Variants in SGSM3 observed in about 807,000 individuals in gnomAD.
SGSM3 encodes the protein small G protein signaling modulator 3.
In SGSM3, 96 loss-of-function variants were observed where a neutral mutation model predicts 100.5. That is an observed-to-expected ratio of 0.96 (90% CI 0.81 to 1.13). The LOEUF (loss-of-function observed/expected upper bound fraction) is 1.13, where lower values mean the gene tolerates loss of function less well. SGSM3 is among the 50% of genes most tolerant of loss of function. SGSM3 has a pLI of 0.00. For synonymous variants in SGSM3, 483 were observed against 422.8 expected, an observed-to-expected ratio of 1.14 and a Z score of -1.75; for missense variants, 1,001 against 1,015.8, an observed-to-expected ratio of 0.99 and a Z score of 0.20.
intron 1 of SGSM3, among the ~76,000 whole-genome samples, chr22:40,399,802 G>A (rs539779687): frequency 6.6e-6 from 1 of 152,322 alleles, no homozygotes; most frequent in Non-Finnish European, 1.5e-5. Context: ...TTCTCAGCAG[G>A]CATGTCTGGA....
At chr22:40,372,122 CTTTTTTTTTTT>C (rs58396730) in intron 1 of SGSM3, among the ~76,000 whole-genome samples, 8 of 65,204 alleles carry the variant, frequency 1.2e-4, no homozygotes, top group African/African-American at 4.6e-4. Flanking sequence ...TCCCCCCCCC[CTTTTTTTTTTT>C]TTTTTTTTTT....
chr22:40,396,586 C>G (rs1394207524), intron 1 of SGSM3, among the ~76,000 whole-genome samples: 40 of 115,474 alleles, frequency 3.5e-4, no homozygotes, highest in Non-Finnish European at 5.8e-4. Context: ...GAGTGAGACT[C>G]TGTCTCAAAA....
rs746231050 is a variant in SGSM3 at position 40,404,615 on chromosome 22, G to A, written c.425G>A (p.Arg142His). The A allele has an allele frequency of 3.3e-5, 54 of 1,613,574 alleles. No homozygotes were observed. The highest frequency in any genetic ancestry group is 4.2e-5 in the Non-Finnish European group (49 of 1,179,886). ...QKKRNSELSYREIVKNSSNDE... is the reference protein window; with the variant it reads ...QKKRNSELSYHEIVKNSSNDE... ...AAGAGGAACTCTGAGCTGTCCTACC[G>A]CGAGATTGTGAAGAACAGCTCCAAC... is the stretch of plus-strand genomic sequence containing the variant. The change falls in exon 6 of 22, where the codon CGC becomes CAC. Residue 142 changes from arginine (R) to histidine (H), a missense_variant. Arg to His is a conservative substitution (Grantham distance 29). Transcript: ENST00000248929.
rs1484271653 is a variant in SGSM3, at chr22:40,406,601, C to CCTAT, written c.1127_1130dup (p.Ile378SerfsTer41). On this transcript the variant is annotated frameshift_variant, in exon 10 of 22. Coordinates refer to ENST00000248929, the MANE Select transcript of SGSM3 (RefSeq NM_015705.6). LOFTEE classifies it high-confidence loss of function. Reference sequence around the variant, plus strand: ...GAGACTCAGCGCCGCAAGCACCTGGCCTATCTCATTGCAGACCAGGGCCAG... The same window carrying CCTAT: ...GAGACTCAGCGCCGCAAGCACCTGGCCTATCTATCTCATTGCAGACCAGGGCCAG... 1 of 1,612,192 alleles carries CCTAT rather than the reference C, an allele frequency of 6.2e-7. No individual in the cohort carries two copies. Among genetic ancestry groups the CCTAT allele is most frequent in the African/African-American group, 1.3e-5 (1 of 74,888 alleles).
Position 40,407,583 on chromosome 22 carries a change from T to C in SGSM3, c.1524+15T>C, listed in dbSNP as rs780585729. The C allele has an allele frequency of 3.1e-6, 5 of 1,600,058 alleles. No individual in the cohort carries two copies. The highest frequency in any genetic ancestry group is 4.2e-6 in the Non-Finnish European group (5 of 1,177,936). On this transcript the variant is annotated intron_variant, in intron 13 of 21. Transcript: ENST00000248929. This position sits in a 1 kb window ranked among gnomAD's most constrained non-coding sequence, Gnocchi z 4.7. Reference sequence around the variant, plus strand: ...ACATCATCACAGTGCGTGGGGGCGCTGGACTACCAGGTCCTCAGGCTGTGG... The same window carrying C: ...ACATCATCACAGTGCGTGGGGGCGCCGGACTACCAGGTCCTCAGGCTGTGG...
intron 10 of SGSM3, 64 bp from the exon 11 acceptor site, chr22:40,406,953 A>G: frequency 8.1e-6 from 12 of 1,486,872 alleles, no homozygotes; most frequent in Non-Finnish European, 1.1e-5. Flanking sequence ...AGTATAAGCC[A>G]AGGGCTGGTG....
At chr22:40,381,300 A>G (rs1471582542) in intron 1 of SGSM3, among the ~76,000 whole-genome samples, 1 of 152,040 alleles carries the variant, frequency 6.6e-6, no homozygotes, top group Non-Finnish European at 1.5e-5. Flanking sequence ...GGTGTGCACC[A>G]CCACACTCAG....
chr22:40,385,601 G>A (rs1203049905), intron 1 of SGSM3, among the ~76,000 whole-genome samples: 1 of 152,196 alleles, frequency 6.6e-6, no homozygotes, highest in East Asian at 1.9e-4. Context: ...GGAAGTTGAG[G>A]AAGCTTAAGT....
Position 40,404,724 on chromosome 22 carries a change from G to A in SGSM3, c.474+60G>A, listed in dbSNP as rs2051217845. 1.1e-4 allele frequency: 131 copies of A among 1,231,836 alleles called. No individual in the cohort carries two copies. The South Asian group carries it at 1.6e-3, about 15-fold the overall frequency. The allele number at this position is 1,231,836 out of a possible 1,614,324, so 76.3% of individuals were successfully genotyped here. A position where few individuals can be genotyped will look rare whatever the true frequency, so the allele number is the denominator to read the frequency against. Reference sequence around the variant, plus strand: ...GGCTGTGTGGGCTCGCAGGAGAGAGGGAGCCTGCCTGGGGTTCTTAGAGTG... The same window carrying A: ...GGCTGTGTGGGCTCGCAGGAGAGAGAGAGCCTGCCTGGGGTTCTTAGAGTG... On this transcript the variant is annotated intron_variant, in intron 6 of 21. Coordinates refer to ENST00000248929, the MANE Select transcript of SGSM3 (RefSeq NM_015705.6).
Position 40,408,961 on chromosome 22 carries a change from A to C in SGSM3, c.1931A>C (p.Asp644Ala). The C allele has an allele frequency of 3.1e-6, 5 of 1,602,106 alleles. No homozygotes were observed. The highest frequency in any genetic ancestry group is 2.6e-6 in the Non-Finnish European group (3 of 1,174,250). The change falls in exon 19 of 22, where the codon GAT (aspartate) becomes GCT (alanine). Residue 644 changes from aspartate to alanine, a missense_variant. By Grantham distance (126) the Asp-to-Ala change is moderately radical. Transcript: ENST00000248929. ...GTGCAGTCTGTGAACGTGACCCACG[A>C]TGCAGTGCATGCACAAATGGATGTG... Reference protein sequence around the residue: ...RAVQSVNVTHDAVHAQMDVKL... With the variant: ...RAVQSVNVTHAAVHAQMDVKL...
At chr22:40,380,081 T>G (rs1290576273) in intron 1 of SGSM3, among the ~76,000 whole-genome samples, 1 of 152,096 alleles carries the variant, frequency 6.6e-6, no homozygotes, top group African/African-American at 2.4e-5. Context: ...GAAATTATAA[T>G]CCCATGGACA....
At chr22:40,382,712 C>T (rs1468993345) in intron 1 of SGSM3, among the ~76,000 whole-genome samples, 3 of 152,210 alleles carry the variant, frequency 2.0e-5, no homozygotes, top group Non-Finnish European at 4.4e-5. Flanking sequence ...AGTTTCGTCA[C>T]ATTTGAAGAA....
intron 1 of SGSM3, among the ~76,000 whole-genome samples, chr22:40,385,346 G>A (rs529873015): frequency 6.6e-6 from 1 of 152,334 alleles, no homozygotes; most frequent in African/African-American, 2.4e-5. Context: ...GTGGGTACAG[G>A]GATAGTTGCT....
intron 7 of SGSM3, 31 bp downstream of exon 7, chr22:40,405,315 GC>G: frequency 6.9e-7 from 1 of 1,447,490 alleles, no homozygotes; most frequent in Non-Finnish European, 9.1e-7. Context: ...GGCAGTGGCA[GC>G]CCCAGGACCC....
Position 40,408,634 on chromosome 22 carries a change from G to A in SGSM3, c.1790G>A (p.Gly597Asp). The A allele has an allele frequency of 6.2e-7, 1 of 1,613,942 alleles. No homozygotes were observed. Among genetic ancestry groups the A allele is most frequent in the Admixed American group, 1.7e-5 (1 of 60,020 alleles). ...HPWLFIEEAA[G>D]REVERDFASV... ...CGTGTGCTGTCCCCACAGGCTGCAG[G>A]CCGGGAGGTCGAGAGAGACTTTGCC... Residue 597 changes from glycine to aspartate, a missense_variant, in exon 17 of 22, where the codon GGC (glycine) becomes GAC (aspartate). By Grantham distance (94) the Gly-to-Asp change is moderately conservative (BLOSUM62 -1). Transcript: ENST00000248929.
In SGSM3 at chr22:40,404,374, C is replaced by A; in HGVS notation, c.285C>A (p.Asp95Glu). The A allele has an allele frequency of 6.2e-7, 1 of 1,608,234 alleles. No homozygotes were observed. Among genetic ancestry groups the A allele is most frequent in the Non-Finnish European group, 8.5e-7 (1 of 1,176,822 alleles). Residue 95 changes from aspartate (D) to glutamate (E), a missense_variant, in exon 5 of 22, where the codon GAC (aspartate) becomes GAA (glutamate). Physicochemically the swap from Asp to Glu is conservative, Grantham distance 45. Coordinates refer to ENST00000248929, the MANE Select transcript of SGSM3 (RefSeq NM_015705.6). ...HNHDVGDLTW[D>E]KIAVSLPRSE... ...ACGATGTGGGGGATCTCACCTGGGA[C>A]AAGATTGCCGTCTCCCTACCCCGCT...
At chr22:40,386,548 G>A (rs1234248368) in intron 1 of SGSM3, among the ~76,000 whole-genome samples, 2 of 124,174 alleles carry the variant, frequency 1.6e-5, no homozygotes, top group East Asian at 4.8e-4. Flanking sequence ...TTGACCTCTA[G>A]TCCAATTTTC....
At chr22:40,393,975 A>G (rs2049716931) in intron 1 of SGSM3, among the ~76,000 whole-genome samples, 1 of 152,188 alleles carries the variant, frequency 6.6e-6, no homozygotes. Context: ...GGTTTCCACA[A>G]CACAACACAC....
rs1268333815 is a variant in SGSM3, at chr22:40,406,677, G to A, written c.1185+15G>A. ...ACCTCTCTCAGGTGGCCCAGGATGG[G>A]GGGCCGCACCTTGACCCACAGCACA... On this transcript the variant is annotated intron_variant, in intron 10 of 21. Transcript: ENST00000248929. 6.3e-7 allele frequency: 1 copy of A among 1,596,952 alleles called. No individual in the cohort carries two copies. Among genetic ancestry groups the A allele is most frequent in the Non-Finnish European group, 8.6e-7 (1 of 1,167,750 alleles).
Sources: allele counts gnomAD v4.1 joint callset (sites outside exome capture counted in the v4.1 genomes callset), GRCh38; gene constraint gnomAD v4.1.1; non-coding constraint Gnocchi (gnomAD v3.1); transcripts MANE v1.5; gene names NCBI Gene and HGNC (gene_info 2026-07-23, HGNC 2026-07-21).